The following PRMT8 variants were observed in gnomAD, a reference collection of about 807,000 sequenced individuals.
The protein encoded by PRMT8 is protein arginine methyltransferase 8.
PRMT8 carries 7 observed loss-of-function variants against 47.1 expected under a neutral mutation model. That is an observed-to-expected ratio of 0.15 (90% CI 0.08 to 0.28). The LOEUF (loss-of-function observed/expected upper bound fraction) is 0.28, where lower values mean the gene tolerates loss of function less well. Ranked by LOEUF, PRMT8 falls within the 10% of genes least tolerant of loss-of-function variation. The probability of loss-of-function intolerance (pLI) is 1.00; values close to 1 mark genes in which losing one functional copy is unlikely to be tolerated. For missense variants in PRMT8, 237 were observed against 505.4 expected, an observed-to-expected ratio of 0.47 and a Z score of 5.09; for synonymous variants, 188 against 186.5, an observed-to-expected ratio of 1.01 and a Z score of -0.07.
At chr12:3,511,204 C>G (rs1865708867) in intron 1 of PRMT8, among the ~76,000 whole-genome samples, 1 of 152,192 alleles carries the variant, frequency 6.6e-6, no homozygotes, top group Admixed American at 6.5e-5. Context: ...CTTCCCTTAT[C>G]ATGCTGTTGA....
In PRMT8 at chr12:3,464,017, G is replaced by A. The variant is rs541406528; in HGVS notation, c.49-76589G>A. 8.7e-4 allele frequency among the ~76,000 whole-genome samples: 133 copies of A among 152,258 alleles called. 1 individual carries two copies. The highest frequency in any genetic ancestry group is 3.2e-3 in the African/African-American group (132 of 41,548). On this transcript the variant is annotated intron_variant, in intron 1 of 9. Coordinates refer to the PRMT8 transcript ENST00000452611. Reference sequence around the variant, plus strand: ...CTACTGCTTTATGCACAGAAGATACGGGGCGGAGGGAGCCTCTGTTAGCAG... The same window carrying A: ...CTACTGCTTTATGCACAGAAGATACAGGGCGGAGGGAGCCTCTGTTAGCAG...
At position 3,520,108 on chromosome 12, in the gene PRMT8, T is replaced by G. The variant is rs1030869988; in HGVS notation, c.76-20498T>G. On this transcript the variant is annotated intron_variant, in intron 1 of 9. Coordinates refer to ENST00000382622, the MANE Select transcript of PRMT8 (RefSeq NM_019854.5). ...CCAGGCTGGGCCAGGGGAGGATCCT[T>G]GCAGCTGAGGAGGAGGAAAAGCCAC... 3.3e-5 allele frequency among the ~76,000 whole-genome samples: 5 copies of G among 152,080 alleles called. No homozygotes were observed. The South Asian group carries it at 1.0e-3, about 32-fold the overall frequency.
intron 1 of PRMT8, among the ~76,000 whole-genome samples, chr12:3,406,298 G>C (rs756512115): frequency 6.6e-6 from 1 of 152,238 alleles, no homozygotes; most frequent in African/African-American, 2.4e-5. Flanking sequence ...TGGCCTCTTG[G>C]CCTGTGATGG....
rs1037331378 is a variant in PRMT8 at position 3,569,392 on chromosome 12, T to G, written c.625-85T>G. On this transcript the variant is annotated intron_variant, in intron 5 of 9. Coordinates refer to ENST00000382622, the MANE Select transcript of PRMT8 (RefSeq NM_019854.5). This position sits in a 1 kb window ranked among gnomAD's most constrained non-coding sequence, Gnocchi z 8.2. The stretch of plus-strand genomic sequence containing the variant: ...AGATGGTGGCAAGGGGGTGCTTGTC[T>G]GGTGACTCTATGTGCAGTTCAAAAT... The G allele has an allele frequency of 3.5e-5, 40 of 1,137,918 alleles. No homozygotes were observed. Among genetic ancestry groups the G allele is most frequent in the Non-Finnish European group, 5.0e-5 (37 of 746,658 alleles). The allele number at this position is 1,137,918 out of a possible 1,614,324, so 70.5% of individuals were successfully genotyped here.
chr12:3,577,181 C>G (rs1300744166), intron 7 of PRMT8, among the ~76,000 whole-genome samples, 195 bp downstream of exon 7: 2 of 152,172 alleles, frequency 1.3e-5, no homozygotes, highest in Non-Finnish European at 2.9e-5. Context: ...GAGAGTGGCT[C>G]CATGGTGGCA....
chr12:3,581,137 G>A (rs1193641613), intron 7 of PRMT8, among the ~76,000 whole-genome samples: 1 of 152,202 alleles, frequency 6.6e-6, no homozygotes, highest in Non-Finnish European at 1.5e-5. Context: ...GCCAATGGAA[G>A]GACGTGGAGG....
chr12:3,456,079 G>A lies in PRMT8; in HGVS notation c.48+74637G>A, dbSNP rs185588218. On this transcript the variant is annotated intron_variant, in intron 1 of 9. Coordinates refer to the PRMT8 transcript ENST00000452611. The surrounding 1 kb of genome is among the most constrained non-coding windows in gnomAD (Gnocchi z 4.2). ...ACCTCACAGGGAAACTGAGGCTGAC[G>A]CAGGAAGACAAATACAAACTATTTA... 3.3e-5 allele frequency among the ~76,000 whole-genome samples: 5 copies of A among 152,268 alleles called. No homozygotes were observed. Among genetic ancestry groups the A allele is most frequent in the South Asian group, 2.1e-4 (1 of 4,812 alleles).
At chr12:3,488,981 G>C (rs563960706), upstream of PRMT8, among the ~76,000 whole-genome samples, 20 of 152,198 alleles carry the variant, frequency 1.3e-4, no homozygotes, top group East Asian at 3.7e-3. Flanking sequence ...CTCAACAGGG[G>C]GCTAGAGTAT....
At chr12:3,531,522 A>G (rs942610853) in intron 1 of PRMT8, among the ~76,000 whole-genome samples, 4 of 152,216 alleles carry the variant, frequency 2.6e-5, no homozygotes, top group African/African-American at 9.7e-5. Context: ...AATCCAATAG[A>G]TTCCCTCTCA....
At chr12:3,408,439 A>G (rs1864394685) in intron 1 of PRMT8, among the ~76,000 whole-genome samples, 1 of 151,952 alleles carries the variant, frequency 6.6e-6, no homozygotes, top group African/African-American at 2.4e-5. Flanking sequence ...ACTTCCCTAT[A>G]TTGCCTAGGC....
At chr12:3,553,597 G>A in intron 3 of PRMT8, 54 bp from the exon 4 acceptor site, 1 of 1,428,880 alleles carries the variant, frequency 7.0e-7, no homozygotes, top group Non-Finnish European at 9.9e-7. Context: ...ATCGGTGTGG[G>A]TCTTGCTGTG....
At chr12:3,441,660 G>A (rs1222133002) in intron 1 of PRMT8, among the ~76,000 whole-genome samples, 3 of 152,324 alleles carry the variant, frequency 2.0e-5, no homozygotes, top group East Asian at 3.9e-4. Flanking sequence ...CATCCCTGAG[G>A]AGTCACTCAC....
At chr12:3,543,265 T>A (rs1565436518) in intron 2 of PRMT8, among the ~76,000 whole-genome samples, 1 of 152,202 alleles carries the variant, frequency 6.6e-6, no homozygotes, top group African/African-American at 2.4e-5. Flanking sequence ...CCTTTTACCC[T>A]GTTTTCAGTT....
intron 1 of PRMT8, among the ~76,000 whole-genome samples, chr12:3,433,233 G>A (rs917589): frequency 0.67 from 101,358 of 152,166 alleles, 37,706 homozygotes; most frequent in East Asian, 0.92. Flanking sequence ...TTAGCCTCCT[G>A]TGAATTCATA....
chr12:3,454,565 G>A (rs1565411888), intron 1 of PRMT8, among the ~76,000 whole-genome samples: 1 of 152,112 alleles, frequency 6.6e-6, no homozygotes, highest in Non-Finnish European at 1.5e-5. Context: ...CAGGGAAGAC[G>A]GGGCGGGCAA....
chr12:3,494,576 G>T (rs1205066675), intron 1 of PRMT8, among the ~76,000 whole-genome samples: 3 of 152,180 alleles, frequency 2.0e-5, no homozygotes, highest in Non-Finnish European at 4.4e-5. Flanking sequence ...GGAATACTTT[G>T]GAAGGGAGAG....
intron 1 of PRMT8, among the ~76,000 whole-genome samples, chr12:3,484,714 C>T (rs1357488750): frequency 6.6e-6 from 1 of 152,214 alleles, no homozygotes; most frequent in East Asian, 1.9e-4. Context: ...TAAACGCCTC[C>T]TTCATCTCAC....
At chr12:3,420,712 T>G (rs960463150) in intron 1 of PRMT8, among the ~76,000 whole-genome samples, 4 of 152,242 alleles carry the variant, frequency 2.6e-5, no homozygotes, top group Non-Finnish European at 2.9e-5. Context: ...TTGCTTGCTT[T>G]CTTCCATGCT....
At chr12:3,470,376 A>G (rs145080502) in intron 1 of PRMT8, among the ~76,000 whole-genome samples, 75 of 152,246 alleles carry the variant, frequency 4.9e-4, no homozygotes, top group African/African-American at 1.7e-3. Flanking sequence ...GGGACTCAGG[A>G]CAGTGCTGAG....
Sources: allele counts gnomAD v4.1 joint callset (sites outside exome capture counted in the v4.1 genomes callset), GRCh38; gene constraint gnomAD v4.1.1; non-coding constraint Gnocchi (gnomAD v3.1); transcripts MANE v1.5; gene names NCBI Gene and HGNC (gene_info 2026-07-23, HGNC 2026-07-21).